The following FSTL5 variants were observed in gnomAD, a reference collection of about 807,000 sequenced individuals.
FSTL5 encodes the protein follistatin-related protein 5.
Under a neutral mutation model 89.1 loss-of-function variants are expected in FSTL5, and 62 were observed. The ratio of observed to expected loss-of-function variants is 0.70; its 90% CI spans 0.57 to 0.86. The LOEUF (loss-of-function observed/expected upper bound fraction) is 0.86, where lower values mean the gene tolerates loss of function less well. Among genes scored for constraint, FSTL5 ranks in the 40% least tolerant of loss-of-function variants. FSTL5 has a pLI of 0.00. For synonymous variants in FSTL5, 383 were observed against 346.2 expected, an observed-to-expected ratio of 1.11 and a Z score of -1.18; for missense variants, 1,057 against 1,001.6, an observed-to-expected ratio of 1.06 and a Z score of -0.75.
intron 1 of FSTL5, among the ~76,000 whole-genome samples, chr4:162,139,573 T>C (rs1331891694): frequency 6.6e-6 from 1 of 152,040 alleles, no homozygotes; most frequent in Admixed American, 6.6e-5. Flanking sequence ...TGCACATAAA[T>C]GTCAGAAGAT....
intron 3 of FSTL5, among the ~76,000 whole-genome samples, chr4:161,937,248 G>A (rs12505419): frequency 0.33 from 49,405 of 151,894 alleles, 9,692 homozygotes; most frequent in Non-Finnish European, 0.43. Context: ...AATCAATGAT[G>A]TAACAGATAG....
chr4:161,613,264 AAAATGGTG>A (rs1317366598), intron 7 of FSTL5, among the ~76,000 whole-genome samples: 1 of 152,100 alleles, frequency 6.6e-6, no homozygotes, highest in Non-Finnish European at 1.5e-5. Context: ...CATCCTGGCC[AAAATGGTG>A]AAATCTTGTC....
At chr4:161,769,319 C>A (rs1741127184) in intron 5 of FSTL5, among the ~76,000 whole-genome samples, 1 of 151,952 alleles carries the variant, frequency 6.6e-6, no homozygotes, top group Admixed American at 6.6e-5. Context: ...GGAAGGAAAA[C>A]TTTCAAACTC....
chr4:161,705,044 A>G (rs987037518), intron 6 of FSTL5, among the ~76,000 whole-genome samples: 1 of 152,046 alleles, frequency 6.6e-6, no homozygotes, highest in Non-Finnish European at 1.5e-5. Flanking sequence ...TAATAGCATC[A>G]TATTTATGTC....
intron 6 of FSTL5, among the ~76,000 whole-genome samples, chr4:161,681,408 T>C (rs1334059398): frequency 6.6e-6 from 1 of 152,112 alleles, no homozygotes; most frequent in African/African-American, 2.4e-5. Flanking sequence ...TGGATGTTTG[T>C]AAGTCTCAAA....
At chr4:161,779,144 C>A (rs1741528165) in intron 4 of FSTL5, among the ~76,000 whole-genome samples, 1 of 152,152 alleles carries the variant, frequency 6.6e-6, no homozygotes, top group Non-Finnish European at 1.5e-5. Context: ...TTGCCCCACT[C>A]AAATTTTGAT....
At chr4:161,473,187 TC>T (rs1734008358) in intron 13 of FSTL5, among the ~76,000 whole-genome samples, 1 of 152,134 alleles carries the variant, frequency 6.6e-6, no homozygotes, top group African/African-American at 2.4e-5. Flanking sequence ...TTGTGATAAG[TC>T]CTCTACTCCC....
chr4:161,556,474 A>C (rs2126564465), intron 8 of FSTL5, among the ~76,000 whole-genome samples: 1 of 151,676 alleles, frequency 6.6e-6, no homozygotes, highest in East Asian at 1.9e-4. Context: ...CTCAAGACGA[A>C]GATTTTGATT....
chr4:161,629,334 T>C (rs1230865883), intron 7 of FSTL5, among the ~76,000 whole-genome samples: 1 of 151,954 alleles, frequency 6.6e-6, no homozygotes, highest in Non-Finnish European at 1.5e-5. Context: ...AATGAAGTTA[T>C]AGTAAATTAG....
At chr4:162,009,300 TCAA>T (rs1212151066) in intron 3 of FSTL5, among the ~76,000 whole-genome samples, 6 of 152,082 alleles carry the variant, frequency 3.9e-5, no homozygotes, top group Non-Finnish European at 7.4e-5. Flanking sequence ...ATATCTCTTC[TCAA>T]CTTTGATATA....
intron 2 of FSTL5, among the ~76,000 whole-genome samples, chr4:162,042,633 T>C (rs967241661): frequency 5.9e-5 from 9 of 152,070 alleles, no homozygotes; most frequent in Non-Finnish European, 1.0e-4. Flanking sequence ...AATTATATAA[T>C]ATACTTTTAA....
At chr4:162,066,832 T>C (rs996189779) in intron 2 of FSTL5, among the ~76,000 whole-genome samples, 4 of 152,088 alleles carry the variant, frequency 2.6e-5, no homozygotes, top group African/African-American at 7.2e-5. Flanking sequence ...CAGTCTATCA[T>C]TGATGGGCAT....
intron 2 of FSTL5, among the ~76,000 whole-genome samples, chr4:162,099,970 G>A (rs1485201904): frequency 6.6e-6 from 1 of 152,134 alleles, no homozygotes; most frequent in Non-Finnish European, 1.5e-5. Flanking sequence ...TTGCCAGTGG[G>A]AATGAAAAAT....
chr4:161,571,697 T>C (rs1733018994), intron 8 of FSTL5, among the ~76,000 whole-genome samples: 1 of 152,156 alleles, frequency 6.6e-6, no homozygotes, highest in Admixed American at 6.5e-5. Context: ...TTCAGAAACA[T>C]TAATCTCAAT....
intron 7 of FSTL5, among the ~76,000 whole-genome samples, chr4:161,628,971 AG>A (rs1301525279): frequency 6.6e-6 from 1 of 152,244 alleles, no homozygotes; most frequent in African/African-American, 2.4e-5. Flanking sequence ...TATTTATTAT[AG>A]GGTTATAATT....
In FSTL5 at chr4:161,777,842, C is replaced by G. The variant is rs370871992; in HGVS notation, c.410-1768G>C. ...GGTGCAGTGGCTCATGTCTGTAATC[C>G]CAGCACTTTGGAAGGCTGAGGCAGG... On this transcript the variant is annotated intron_variant, in intron 4 of 15. Transcript: ENST00000306100. Among the ~76,000 whole-genome samples, 117 of 152,160 alleles carry G rather than the reference C, an allele frequency of 7.7e-4. No individual in the cohort carries two copies. In the Middle Eastern group the frequency reaches 0.01, roughly 13 times the overall value.
chr4:161,423,632 T>C (rs985474800), intron 15 of FSTL5, among the ~76,000 whole-genome samples: 1 of 152,086 alleles, frequency 6.6e-6, no homozygotes, highest in Non-Finnish European at 1.5e-5. Flanking sequence ...AATATTAGCT[T>C]GAATTTCCGG....
intron 15 of FSTL5, among the ~76,000 whole-genome samples, chr4:161,452,040 C>A (rs1733183795): frequency 6.6e-6 from 1 of 152,224 alleles, no homozygotes; most frequent in Non-Finnish European, 1.5e-5. Context: ...TAATTCAACA[C>A]ATGTTTCAGA....
At chr4:161,556,850 A>G (rs1039598846) in intron 8 of FSTL5, among the ~76,000 whole-genome samples, 28 of 147,932 alleles carry the variant, frequency 1.9e-4, no homozygotes, top group African/African-American at 6.9e-4. Context: ...GTGTGTGTAT[A>G]TATATATATA....
Sources: allele counts gnomAD v4.1 joint callset (sites outside exome capture counted in the v4.1 genomes callset), GRCh38; gene constraint gnomAD v4.1.1; transcripts MANE v1.5; gene names NCBI Gene and HGNC (gene_info 2026-07-23, HGNC 2026-07-21).